GOLPH3: variants seen among roughly 807,000 people sequenced by gnomAD.
GOLPH3 encodes coat protein GPP34.
GOLPH3 carries 14 observed loss-of-function variants against 28.5 expected under a neutral mutation model. The observed-to-expected ratio is 0.49, with a 90% confidence interval of 0.32 to 0.77. The LOEUF (loss-of-function observed/expected upper bound fraction) is 0.77, where lower values mean the gene tolerates loss of function less well. GOLPH3 is among the 30% of genes least tolerant of loss of function. The probability of loss-of-function intolerance (pLI) is 0.03; values close to 1 mark genes in which losing one functional copy is unlikely to be tolerated. For synonymous variants in GOLPH3, 158 were observed against 159.2 expected, an observed-to-expected ratio of 0.99 and a Z score of 0.06; for missense variants, 350 against 393.7, an observed-to-expected ratio of 0.89 and a Z score of 0.94.
In GOLPH3 at chr5:32,157,523, T is replaced by A. The variant is rs115613168; in HGVS notation, c.226-13643A>T. On this transcript the variant is annotated intron_variant, in intron 1 of 3. Transcript: ENST00000265070. ...CACCCTTACTAGTTTCCTAAACACA[T>A]CCATTGTTTCCCACTGCATTCAACT... 4.7e-3 allele frequency among the ~76,000 whole-genome samples: 712 copies of A among 152,300 alleles called. 7 individuals carry two copies. Among genetic ancestry groups the A allele is most frequent in the African/African-American group, 0.016 (682 of 41,568 alleles).
In GOLPH3 at chr5:32,126,613, A is replaced by G. The variant is rs61751182; in HGVS notation, c.496T>C (p.Leu166=). ...LSGETWNPLK[L]HYQLRNVRER... ...CGTACATTTCTTAACTGATAATGCA[A>G]TTTTAATGGATTCCATGTCTCACCT... The change falls in exon 4 of 4, where the codon TTG becomes CTG. Residue 166 remains leucine (L), a synonymous_variant. Coordinates refer to ENST00000265070, the MANE Select transcript of GOLPH3 (RefSeq NM_022130.4). The G allele has an allele frequency of 3.4e-3, 5,435 of 1,612,862 alleles. 20 individuals are homozygous for G. Among genetic ancestry groups the G allele is most frequent in the Non-Finnish European group, 3.9e-3 (4,638 of 1,179,304 alleles).
At chr5:32,158,981 T>C (rs1746515243) in intron 1 of GOLPH3, among the ~76,000 whole-genome samples, 1 of 152,234 alleles carries the variant, frequency 6.6e-6, no homozygotes, top group Admixed American at 6.5e-5. Context: ...AAGTAGGTGC[T>C]ATTCTTCCAA....
chr5:32,130,191 C>T (rs970243129), intron 3 of GOLPH3, among the ~76,000 whole-genome samples: 1 of 152,176 alleles, frequency 6.6e-6, no homozygotes, highest in Admixed American at 6.5e-5. Flanking sequence ...CAATAAATAA[C>T]TGCTGCATCT....
intron 1 of GOLPH3, among the ~76,000 whole-genome samples, chr5:32,144,441 TTAGC>T (rs1412000110): frequency 1.3e-5 from 2 of 152,240 alleles, no homozygotes. Flanking sequence ...AAAAAATTAA[TTAGC>T]TAGGTGTGGT....
At chr5:32,147,850 G>A (rs901188706) in intron 1 of GOLPH3, among the ~76,000 whole-genome samples, 2 of 152,130 alleles carry the variant, frequency 1.3e-5, no homozygotes, top group Non-Finnish European at 2.9e-5. Flanking sequence ...AGCCCAGACC[G>A]CACAAACACC....
chr5:32,138,298 T>C (rs1745980670), intron 2 of GOLPH3, among the ~76,000 whole-genome samples: 1 of 152,214 alleles, frequency 6.6e-6, no homozygotes, highest in Non-Finnish European at 1.5e-5. Flanking sequence ...TAAAAATATA[T>C]ACATACAGTA....
At chr5:32,153,840 A>G (rs750110694) in intron 1 of GOLPH3, among the ~76,000 whole-genome samples, 4 of 152,226 alleles carry the variant, frequency 2.6e-5, no homozygotes, top group Non-Finnish European at 4.4e-5. Context: ...GTAACAACTC[A>G]GTAACACTGA....
At chr5:32,152,045 C>T (rs981560404) in intron 1 of GOLPH3, among the ~76,000 whole-genome samples, 7 of 152,026 alleles carry the variant, frequency 4.6e-5, no homozygotes, top group Admixed American at 3.3e-4. Context: ...GATGACGGCA[C>T]AGTGTGAATC....
chr5:32,151,517 A>G (rs1746306787), intron 1 of GOLPH3, among the ~76,000 whole-genome samples: 1 of 152,240 alleles, frequency 6.6e-6, no homozygotes, highest in Non-Finnish European at 1.5e-5. Flanking sequence ...TCAAAAAAAT[A>G]TATATTTTGA....
chr5:32,133,894 C>T (rs534469514), intron 3 of GOLPH3, among the ~76,000 whole-genome samples: 131 of 152,152 alleles, frequency 8.6e-4, no homozygotes, highest in Admixed American at 2.3e-3. Flanking sequence ...GAGTTACTCT[C>T]AATGAGATAA....
Position 32,126,430 on chromosome 5 carries a change from T to A in GOLPH3, c.679A>T (p.Asn227Tyr). 6.2e-7 allele frequency: 1 copy of A among 1,614,136 alleles called. No individual in the cohort carries two copies. The highest frequency in any genetic ancestry group is 8.5e-7 in the Non-Finnish European group (1 of 1,180,032). The change falls in exon 4 of 4, where the codon AAT becomes TAT. Residue 227 changes from asparagine (N) to tyrosine (Y), a missense_variant. Transcript: ENST00000265070. ...VQEAVLDKWV[N>Y]DPHRMDRRLL... Reference sequence around the variant, plus strand: ...CGCCTGTCCATGCGGTGAGGGTCATTCACCCATTTGTCAAGAACGGCTTCC... The same window carrying A: ...CGCCTGTCCATGCGGTGAGGGTCATACACCCATTTGTCAAGAACGGCTTCC...
At chr5:32,142,563 A>C (rs1346063725) in intron 2 of GOLPH3, among the ~76,000 whole-genome samples, 228 of 95,048 alleles carry the variant, frequency 2.4e-3, no homozygotes, top group Middle Eastern at 0.017. Context: ...GTGAGGAGCC[A>C]CTCTGCCCGG....
rs1242332653 is a variant in GOLPH3 at position 32,135,619 on chromosome 5, T to G, written c.425A>C (p.Glu142Ala). The G allele has an allele frequency of 6.2e-7, 1 of 1,613,914 alleles. No homozygotes were observed. ...LLDEALKHVK[E>A]TQPPETVQNW... ...CTGGACCGTTTCTGGAGGCTGAGTT[T>G]CCTTAACATGCTTCAGAGCTTCATC... Residue 142 changes from glutamate (E) to alanine (A), a missense_variant, in exon 3 of 4, where the codon GAA (glutamate) becomes GCA (alanine). Coordinates refer to ENST00000265070, the MANE Select transcript of GOLPH3 (RefSeq NM_022130.4).
intron 2 of GOLPH3, among the ~76,000 whole-genome samples, chr5:32,139,398 G>A (rs983604664): frequency 3.9e-5 from 6 of 152,116 alleles, no homozygotes; most frequent in African/African-American, 1.4e-4. Flanking sequence ...AGAACCAATC[G>A]CCCACAGATA....
At chr5:32,156,971 T>C (rs891763299) in intron 1 of GOLPH3, among the ~76,000 whole-genome samples, 1 of 152,234 alleles carries the variant, frequency 6.6e-6, no homozygotes, top group Non-Finnish European at 1.5e-5. Context: ...TAAATAATGA[T>C]TGGATTTGGG....
intron 2 of GOLPH3, among the ~76,000 whole-genome samples, chr5:32,142,877 G>A (rs1467408048): frequency 6.6e-6 from 1 of 151,168 alleles, no homozygotes; most frequent in Non-Finnish European, 1.5e-5. Context: ...GAGGTGAGGG[G>A]CGCCTCTGCC....
At chr5:32,158,770 A>G (rs889207613) in intron 1 of GOLPH3, among the ~76,000 whole-genome samples, 1 of 152,202 alleles carries the variant, frequency 6.6e-6, no homozygotes, top group Non-Finnish European at 1.5e-5. Flanking sequence ...CAGAAAATTA[A>G]AAGTCTCTAC....
Position 32,143,802 on chromosome 5 carries a change from T to C in GOLPH3, c.304A>G (p.Arg102Gly), listed in dbSNP as rs1349710898. The change falls in exon 2 of 4, where the codon AGG becomes GGG. Residue 102 changes from arginine (R) to glycine (G), a missense_variant. Arg to Gly is a moderately radical substitution (Grantham distance 125). Transcript: ENST00000265070. The stretch of plus-strand genomic sequence containing the variant: ...ATTCCACAAGCCTCTAGTTGTAACC[T>C]TCCTCTCAATGCTAATTCAATTAAC... ...CMLIELALRG[R>G]LQLEACGMRR... 6.2e-7 allele frequency: 1 copy of C among 1,605,380 alleles called. No individual in the cohort carries two copies. The highest frequency in any genetic ancestry group is 8.5e-7 in the Non-Finnish European group (1 of 1,177,228).
At chr5:32,165,489 A>T (rs1275503088) in intron 1 of GOLPH3, among the ~76,000 whole-genome samples, 1 of 152,162 alleles carries the variant, frequency 6.6e-6, no homozygotes, top group African/African-American at 2.4e-5. Flanking sequence ...AGGTTGAGGC[A>T]GGAGAATCGC....
Sources: allele counts gnomAD v4.1 joint callset (sites outside exome capture counted in the v4.1 genomes callset), GRCh38; gene constraint gnomAD v4.1.1; transcripts MANE v1.5; gene names NCBI Gene and HGNC (gene_info 2026-07-23, HGNC 2026-07-21).